Variants in PSMG4 observed in about 807,000 individuals in gnomAD.
PSMG4 encodes the protein proteasome assembly chaperone 4.
Under a neutral mutation model 11.0 loss-of-function variants are expected in PSMG4, and 10 were observed. That is an observed-to-expected ratio of 0.91 (90% CI 0.56 to 1.54). The LOEUF (loss-of-function observed/expected upper bound fraction) is 1.54. Among genes scored for constraint, PSMG4 ranks in the 40% most tolerant of loss-of-function variants. The pLI, the probability that PSMG4 is intolerant of heterozygous loss-of-function variation, is 0.00. For missense variants in PSMG4, 198 were observed against 160.9 expected (o/e 1.23, Z -1.25); for synonymous variants, 95 against 71.3 (o/e 1.33, Z -1.68).
At position 3,264,049 on chromosome 6, in the gene PSMG4, TCAC is replaced by T. The variant is rs547944418; in HGVS notation, c.250+295_250+297del. The T allele has an allele frequency of 4.9e-3, 7,014 of 1,421,510 alleles. 17 individuals carry two copies. Among genetic ancestry groups the T allele is most frequent in the Non-Finnish European group, 5.9e-3 (6,369 of 1,075,224 alleles). 88.1% of individuals were successfully genotyped at this position (1,421,510 alleles called of 1,614,324 possible). A position where few individuals can be genotyped will look rare whatever the true frequency, so the allele number is the denominator to read the frequency against. ...GATTTAGTTGCCTTCCGTAAGTGCATCACCACCTCCTGGGAGGAGAGCATGAGA... is the reference window on the plus strand; with the variant it reads ...GATTTAGTTGCCTTCCGTAAGTGCATCACCTCCTGGGAGGAGAGCATGAGA... On this transcript the variant is annotated intron_variant, in intron 2 of 2. Transcript: ENST00000438998.
At position 3,259,119 on chromosome 6, in the gene PSMG4, C is replaced by G; in HGVS notation, c.97C>G (p.Leu33Val). ...EQLVHFHVMR[L>V]TDSLFLWVGA... ...GCTGGTCCACTTCCACGTCATGCGG[C>G]TGACGGACTCGCTGTTCCTGTGGGT... is the stretch of plus-strand genomic sequence containing the variant. Residue 33 changes from leucine (L) to valine (V), a missense_variant, in exon 1 of 3, where the codon CTG becomes GTG. Leu to Val is a conservative substitution (Grantham distance 32). Transcript: ENST00000438998. 10 of 1,283,600 alleles carry G rather than the reference C, an allele frequency of 7.8e-6. No homozygotes were observed. The highest frequency in any genetic ancestry group is 9.9e-6 in the Non-Finnish European group (10 of 1,013,860). The allele number at this position is 1,283,600 out of a possible 1,614,324, so 79.5% of individuals were successfully genotyped here.
chr6:3,261,920 A>T (rs904293681), intron 1 of PSMG4, among the ~76,000 whole-genome samples: 5 of 152,180 alleles, frequency 3.3e-5, no homozygotes, highest in Admixed American at 6.5e-5. Flanking sequence ...CCCTCTCAGG[A>T]ATTTTGCCAG....
In PSMG4 at chr6:3,259,019, C is replaced by T. The variant is rs999878787; in HGVS notation, c.-4C>T. ...GCGCTGTGGGCCGGGAGCCGTGGGG[C>T]GGCATGGAGGGGCTGGTTGTCGCCG... On this transcript the variant is annotated 5_prime_UTR_variant, in exon 1 of 3. Transcript: ENST00000438998. The T allele has an allele frequency of 6.0e-5, 75 of 1,244,792 alleles. 1 individual carries two copies. The highest frequency in any genetic ancestry group is 7.3e-5 in the Non-Finnish European group (73 of 993,706). The allele number at this position is 1,244,792 out of a possible 1,614,324, so 77.1% of individuals were successfully genotyped here.
At chr6:3,257,152 A>C (rs942354264), upstream of PSMG4, among the ~76,000 whole-genome samples, 3 of 152,200 alleles carry the variant, frequency 2.0e-5, no homozygotes, top group Non-Finnish European at 4.4e-5. Flanking sequence ...TTTCTGCATA[A>C]CATCAGAAGC....
rs1758077395 is a variant in PSMG4 at position 3,263,666 on chromosome 6, C to T, written c.175-18C>T. 1.3e-6 allele frequency: 2 copies of T among 1,531,180 alleles called. No individual in the cohort carries two copies. Among genetic ancestry groups the T allele is most frequent in the South Asian group, 1.2e-5 (1 of 80,788 alleles). 94.8% of individuals were successfully genotyped at this position (1,531,180 alleles called of 1,614,324 possible). On this transcript the variant is annotated intron_variant, in intron 1 of 2. Coordinates refer to ENST00000438998, the MANE Select transcript of PSMG4 (RefSeq NM_001128591.2). ...GGGGGGTGGAGAAGCTGCAGTGTGC[C>T]CTTTGCTTTTCTTTTAGGACTCCAT...
chr6:3,256,419 A>T (rs1421508886), upstream of PSMG4, among the ~76,000 whole-genome samples: 2 of 152,120 alleles, frequency 1.3e-5, no homozygotes, highest in Non-Finnish European at 2.9e-5. Context: ...CTGTGATGAC[A>T]CTTCAGTTTC....
upstream of PSMG4, chr6:3,255,139 C>T (rs746587282): frequency 5.2e-4 from 814 of 1,550,826 alleles, no homozygotes; most frequent in Non-Finnish European, 6.9e-4. Flanking sequence ...ATTGGTCATT[C>T]TCTTTGAGGA....
chr6:3,258,669 A>G (rs996993354), upstream of PSMG4, among the ~76,000 whole-genome samples: 7 of 152,112 alleles, frequency 4.6e-5, no homozygotes, highest in Non-Finnish European at 1.0e-4. Context: ...GTGGGGGGAA[A>G]CAAAGCGAGG....
rs1190708248 is a variant in PSMG4 at position 3,260,282 on chromosome 6, TATATATA to T, written c.174+1087_174+1093del. Among the ~76,000 whole-genome samples, 127 of 48,856 alleles carry T rather than the reference TATATATA, an allele frequency of 2.6e-3. 4 individuals carry two copies. The highest frequency in any genetic ancestry group is 0.013 in the African/African-American group (115 of 8,936). The allele number at this position is 48,856 out of a possible 152,430, so 32.1% of individuals were successfully genotyped here. ...GTATAACCTTGTCTTAAATTGTATA[TATATATA>T]TATTTTTTTTTTTTTTTTTTGAAGC... On this transcript the variant is annotated intron_variant, in intron 1 of 2. Transcript: ENST00000438998.
intron 2 of PSMG4, chr6:3,265,238 A>G (rs1484311410): frequency 1.3e-5 from 2 of 152,084 alleles, no homozygotes; most frequent in East Asian, 3.9e-4. Flanking sequence ...GCAAAGTCCC[A>G]TGCTTTGCCA....
At chr6:3,254,678 C>G (rs368291095), upstream of PSMG4, among the ~76,000 whole-genome samples, 1 of 152,098 alleles carries the variant, frequency 6.6e-6, no homozygotes, top group African/African-American at 2.4e-5. Flanking sequence ...TGCGAAACCA[C>G]TAAACTCAAC....
At chr6:3,255,158 A>G (rs959893059), upstream of PSMG4, 7 of 1,550,986 alleles carry the variant, frequency 4.5e-6, no homozygotes, top group East Asian at 4.9e-5. Flanking sequence ...GAGCAGGGCC[A>G]TACTGACGGC....
intron 1 of PSMG4, among the ~76,000 whole-genome samples, chr6:3,260,318 G>T (rs1407833191): frequency 3.4e-4 from 10 of 29,320 alleles, no homozygotes; most frequent in South Asian, 1.1e-3. Flanking sequence ...TTGAAGCAAA[G>T]TCTTGCTCTG....
upstream of PSMG4, among the ~76,000 whole-genome samples, chr6:3,256,058 T>A (rs1206187361): frequency 6.6e-6 from 1 of 152,160 alleles, no homozygotes; most frequent in Non-Finnish European, 1.5e-5. Flanking sequence ...CTTGACTGAA[T>A]TAAATAGCAA....
chr6:3,260,289 ATATTTTT>A (rs1410015333), intron 1 of PSMG4, among the ~76,000 whole-genome samples: 7 of 31,072 alleles, frequency 2.3e-4, no homozygotes, highest in Non-Finnish European at 4.7e-4. Context: ...ATATATATAT[ATATTTTT>A]TTTTTTTTTT....
upstream of PSMG4, chr6:3,255,188 G>A (rs189109228): frequency 1.7e-5 from 26 of 1,550,648 alleles, no homozygotes; most frequent in African/African-American, 3.1e-4. Flanking sequence ...CGCTCTGGTG[G>A]AAGTAGGATG....
intron 1 of PSMG4, among the ~76,000 whole-genome samples, chr6:3,260,289 A>ATCTTTTTTTT (rs1264357024): frequency 3.2e-5 from 1 of 31,072 alleles, no homozygotes; most frequent in South Asian, 9.5e-4. Context: ...ATATATATAT[A>ATCTTTTTTTT]TATTTTTTTT....
At position 3,267,708 on chromosome 6, in the gene PSMG4, TCTAG is replaced by T; in HGVS notation, c.371_*2del. ...GAGATGGAGGCTTTCCCCGAAAAGTTCTAGCTGAGTGGCAGAAGTGAGAATTTGT... is the reference window on the plus strand; with the variant it reads ...GAGATGGAGGCTTTCCCCGAAAAGTTCTGAGTGGCAGAAGTGAGAATTTGT... On this transcript the variant is annotated frameshift_variant and stop_lost, in exon 3 of 3. Coordinates refer to ENST00000438998, the MANE Select transcript of PSMG4 (RefSeq NM_001128591.2). LOFTEE classifies it high-confidence loss of function. 1.9e-6 allele frequency: 3 copies of T among 1,552,060 alleles called. No individual in the cohort carries two copies. The highest frequency in any genetic ancestry group is 1.4e-5 in the African/African-American group (1 of 73,168).
At position 3,260,552 on chromosome 6, in the gene PSMG4, C is replaced by T. The variant is rs538528660; in HGVS notation, c.174+1356C>T. Among the ~76,000 whole-genome samples, 4 of 152,108 alleles carry T rather than the reference C, an allele frequency of 2.6e-5. No homozygotes were observed. The East Asian group carries it at 5.8e-4, about 22-fold the overall frequency. ...TCCGCCTGCCTCGGCCTCCCAAAGG[C>T]AAGCAAGTCCCTTTGGAAGTAAAGA... On this transcript the variant is annotated intron_variant, in intron 1 of 2. Transcript: ENST00000438998.
Sources: allele counts gnomAD v4.1 joint callset (sites outside exome capture counted in the v4.1 genomes callset), GRCh38; gene constraint gnomAD v4.1.1; transcripts MANE v1.5; gene names NCBI Gene and HGNC (gene_info 2026-07-23, HGNC 2026-07-21).